Variants in PKIA observed in about 807,000 individuals in gnomAD.
PKIA encodes cAMP-dependent protein kinase inhibitor alpha, also known as PKI-alpha.
PKIA carries 4 observed loss-of-function variants against 7.6 expected under a neutral mutation model. The ratio of observed to expected loss-of-function variants is 0.52; its 90% confidence interval spans 0.26 to 1.20. PKIA has a LOEUF of 1.20. Among genes scored for constraint, PKIA ranks in the 50% most tolerant of loss-of-function variants. The probability of loss-of-function intolerance (pLI) is 0.13; values close to 1 mark genes in which losing one functional copy is unlikely to be tolerated. For missense variants in PKIA, 73 were observed against 86.2 expected, an observed-to-expected ratio of 0.85 and a Z score of 0.61; for synonymous variants, 21 against 30.7, an observed-to-expected ratio of 0.68 and a Z score of 1.04.
chr8:78,533,385 TAA>T (rs1806441175), intron 1 of PKIA, among the ~76,000 whole-genome samples: 1 of 152,154 alleles, frequency 6.6e-6, no homozygotes, highest in African/African-American at 2.4e-5. Context: ...TTCAAGTACT[TAA>T]AATAGATATA....
At chr8:78,541,243 C>T (rs573404655) in intron 1 of PKIA, among the ~76,000 whole-genome samples, 96 of 152,164 alleles carry the variant, frequency 6.3e-4, no homozygotes, top group Admixed American at 9.8e-4. Context: ...CAAGTATTAT[C>T]CACATTTTAC....
At chr8:78,543,099 T>C (rs989000101) in intron 1 of PKIA, among the ~76,000 whole-genome samples, 2 of 152,184 alleles carry the variant, frequency 1.3e-5, no homozygotes, top group Non-Finnish European at 2.9e-5. Flanking sequence ...AGATTTTCAG[T>C]GTAATTTCAA....
At chr8:78,574,224 G>A (rs1437400851) in intron 2 of PKIA, among the ~76,000 whole-genome samples, 3 of 151,816 alleles carry the variant, frequency 2.0e-5, no homozygotes, top group African/African-American at 7.3e-5. Flanking sequence ...CAGGGTAATT[G>A]GTATATCCAT....
chr8:78,567,108 T>C (rs1221562118), intron 1 of PKIA, among the ~76,000 whole-genome samples: 1 of 152,206 alleles, frequency 6.6e-6, no homozygotes, highest in African/African-American at 2.4e-5. Flanking sequence ...ACAGTTTTAA[T>C]TCAGAAAATT....
chr8:78,547,759 CAG>C (rs1475084262), intron 1 of PKIA, among the ~76,000 whole-genome samples: 1 of 152,066 alleles, frequency 6.6e-6, no homozygotes, highest in Admixed American at 6.6e-5. Flanking sequence ...AAAAATCAGC[CAG>C]AGAGTAGAAA....
intron 1 of PKIA, among the ~76,000 whole-genome samples, chr8:78,543,781 T>C (rs753897725): frequency 4.6e-5 from 7 of 152,228 alleles, no homozygotes; most frequent in Non-Finnish European, 8.8e-5. Flanking sequence ...ATTGGTGTTT[T>C]CTTTCATTGT....
chr8:78,567,738 G>A (rs969113529), intron 1 of PKIA, among the ~76,000 whole-genome samples: 5 of 152,118 alleles, frequency 3.3e-5, no homozygotes, highest in African/African-American at 2.4e-5. Flanking sequence ...TTCTGCACTG[G>A]AGACTTATCT....
At chr8:78,559,316 A>G (rs1214188834) in intron 1 of PKIA, among the ~76,000 whole-genome samples, 3 of 152,170 alleles carry the variant, frequency 2.0e-5, no homozygotes, top group African/African-American at 7.2e-5. Flanking sequence ...TCAGCAATTA[A>G]GTGGAAAGGG....
intron 2 of PKIA, among the ~76,000 whole-genome samples, chr8:78,586,879 G>T (rs181408365): frequency 1.4e-4 from 21 of 152,150 alleles, no homozygotes; most frequent in Admixed American, 1.2e-3. Flanking sequence ...GAGATAATGA[G>T]AATACTGTTT....
At chr8:78,597,187 T>C (rs1256337735) in intron 2 of PKIA, among the ~76,000 whole-genome samples, 1 of 152,192 alleles carries the variant, frequency 6.6e-6, no homozygotes, top group East Asian at 1.9e-4. Context: ...TCTTTACGAA[T>C]TTCAGAAAAT....
At chr8:78,580,953 C>CATGT (rs148807904) in intron 2 of PKIA, among the ~76,000 whole-genome samples, 2,659 of 151,992 alleles carry the variant, frequency 0.017, 75 homozygotes, top group African/African-American at 0.062. Context: ...CGTGTTTTCA[C>CATGT]ATGTATGTAT....
At chr8:78,516,611 A>AT (rs1428885582) in intron 1 of PKIA, 143 bp downstream of exon 1, 4 of 152,652 alleles carry the variant, frequency 2.6e-5, no homozygotes. Flanking sequence ...ACTAGGATGG[A>AT]AATGTTGGGC....
At chr8:78,529,536 C>T (rs1806341640) in intron 1 of PKIA, among the ~76,000 whole-genome samples, 1 of 151,872 alleles carries the variant, frequency 6.6e-6, no homozygotes, top group Non-Finnish European at 1.5e-5. Context: ...ATTAAAAATA[C>T]TAATTTGTGC....
chr8:78,564,041 G>C (rs1295625625), intron 1 of PKIA, among the ~76,000 whole-genome samples: 1 of 151,978 alleles, frequency 6.6e-6, no homozygotes, highest in East Asian at 1.9e-4. Context: ...GATGCTAATG[G>C]ATAAATGGAT....
chr8:78,525,328 T>A (rs1439827549), intron 1 of PKIA, among the ~76,000 whole-genome samples: 1 of 151,842 alleles, frequency 6.6e-6, no homozygotes, highest in African/African-American at 2.4e-5. Flanking sequence ...AAGAACACAA[T>A]CAGAGATAAA....
intron 2 of PKIA, among the ~76,000 whole-genome samples, chr8:78,585,937 A>G (rs1807940789): frequency 1.3e-5 from 2 of 152,174 alleles, no homozygotes; most frequent in Non-Finnish European, 2.9e-5. Flanking sequence ...TGCCTTCACT[A>G]AACAGTGCTG....
intron 2 of PKIA, among the ~76,000 whole-genome samples, chr8:78,597,491 GC>G (rs1808252686): frequency 6.6e-6 from 1 of 152,078 alleles, no homozygotes; most frequent in Non-Finnish European, 1.5e-5. Flanking sequence ...GTAATAAAAA[GC>G]AAACTGAATT....
intron 2 of PKIA, among the ~76,000 whole-genome samples, chr8:78,595,684 G>T (rs1255657332): frequency 1.3e-5 from 2 of 152,160 alleles, no homozygotes; most frequent in Admixed American, 1.3e-4. Context: ...AACGTGCAGT[G>T]TTTGGTTTTC....
In PKIA at chr8:78,545,398, T is replaced by C. The variant is rs548261224; in HGVS notation, c.-156-27413T>C. On this transcript the variant is annotated intron_variant, in intron 1 of 3. Transcript: ENST00000396418. Reference sequence around the variant, plus strand: ...GAAAAGGCATAGCTTGGATTTTTTTTAATGGAGATGACTAACAAGATTGCT... The same window carrying C: ...GAAAAGGCATAGCTTGGATTTTTTTCAATGGAGATGACTAACAAGATTGCT... Among the ~76,000 whole-genome samples the C allele has an allele frequency of 2.0e-5, 3 of 152,280 alleles. 1 individual carries two copies. In the South Asian group the frequency reaches 6.2e-4, roughly 32 times the overall value.
Sources: allele counts gnomAD v4.1 joint callset (sites outside exome capture counted in the v4.1 genomes callset), GRCh38; gene constraint gnomAD v4.1.1; transcripts MANE v1.5; gene names NCBI Gene and HGNC (gene_info 2026-07-23, HGNC 2026-07-21).